Variants in STK17A observed in about 807,000 individuals in gnomAD.
STK17A encodes the protein serine/threonine kinase 17a.
Under a neutral mutation model 43.7 loss-of-function variants are expected in STK17A, and 26 were observed. The observed-to-expected ratio is 0.60, with a 90% confidence interval of 0.44 to 0.83. The LOEUF is 0.83. STK17A is among the 40% of genes least tolerant of loss of function. STK17A has a pLI of 0.00. For missense variants in STK17A, 476 were observed against 511.6 expected, an observed-to-expected ratio of 0.93 and a Z score of 0.67; for synonymous variants, 191 against 182.5, an observed-to-expected ratio of 1.05 and a Z score of -0.38.
At chr7:43,594,889 AAG>A (rs1226604487) in intron 1 of STK17A, among the ~76,000 whole-genome samples, 18 of 144,952 alleles carry the variant, frequency 1.2e-4, no homozygotes, top group Admixed American at 4.3e-4. Context: ...AAAAAAAAAA[AAG>A]AAAGAAAGAA....
intron 1 of STK17A, among the ~76,000 whole-genome samples, chr7:43,593,693 A>T (rs2082494612): frequency 8.3e-6 from 1 of 121,032 alleles, no homozygotes; most frequent in Non-Finnish European, 1.9e-5. Context: ...ATGTCTGTTC[A>T]TATAAAAAAA....
At chr7:43,615,017 G>T (rs759818937) in intron 3 of STK17A, among the ~76,000 whole-genome samples, 1 of 152,206 alleles carries the variant, frequency 6.6e-6, no homozygotes, top group Non-Finnish European at 1.5e-5. Context: ...TCAAGATTTG[G>T]TGAAGATTTT....
chr7:43,602,378 C>T (rs148160363), intron 2 of STK17A, among the ~76,000 whole-genome samples: 49 of 152,268 alleles, frequency 3.2e-4, no homozygotes, highest in African/African-American at 1.1e-3. Context: ...GCATTCCTCA[C>T]CTTCCAGTTT....
At chr7:43,598,334 G>A (rs1017130361) in intron 2 of STK17A, among the ~76,000 whole-genome samples, 1 of 152,028 alleles carries the variant, frequency 6.6e-6, no homozygotes, top group African/African-American at 2.4e-5. Context: ...GCTGGACATG[G>A]TAGCAGGCGC....
intron 1 of STK17A, among the ~76,000 whole-genome samples, chr7:43,583,723 C>T (rs2082419424): frequency 6.6e-6 from 1 of 152,210 alleles, no homozygotes; most frequent in African/African-American, 2.4e-5. Flanking sequence ...CTTTCGTTCT[C>T]TGTGGCGTTT....
In STK17A at chr7:43,627,059, T is replaced by TATCA. The variant is rs903293176; in HGVS notation, c.*2218_*2221dup. Among the ~76,000 whole-genome samples the TATCA allele has an allele frequency of 6.6e-6, 1 of 152,218 alleles. No individual in the cohort carries two copies. The highest frequency in any genetic ancestry group is 2.4e-5 in the African/African-American group (1 of 41,460). ...AAAGCTGTTAATGTTCCTTTTTTTC[T>TATCA]ATCACCAAATTTATAAAGGACTAAA... On this transcript the variant is annotated 3_prime_UTR_variant, in exon 7 of 7. Coordinates refer to ENST00000319357, the MANE Select transcript of STK17A (RefSeq NM_004760.3).
At position 43,595,708 on chromosome 7, in the gene STK17A, ATTTTG is replaced by A. The variant is rs1478237713; in HGVS notation, c.207-188_207-184del. ...GAAAATGAATTGTGCAGGTTTATAC[ATTTTG>A]TTTTATTTGATAAATCTATAAATCT... is the stretch of plus-strand genomic sequence containing the variant. On this transcript the variant is annotated intron_variant, in intron 1 of 6. Coordinates refer to ENST00000319357, the MANE Select transcript of STK17A (RefSeq NM_004760.3). Among the ~76,000 whole-genome samples, 7 of 152,316 alleles carry A rather than the reference ATTTTG, an allele frequency of 4.6e-5. No homozygotes were observed. In the South Asian group the frequency reaches 1.0e-3, roughly 23 times the overall value.
chr7:43,624,587 T>C lies in STK17A; in HGVS notation c.990T>C (p.Ser330=), dbSNP rs377533782. 3.2e-5 allele frequency: 52 copies of C among 1,614,024 alleles called. No homozygotes were observed. The African/African-American group carries it at 6.3e-4, about 19-fold the overall frequency. The part of the protein sequence containing the change: ...WLTQSSIQEP[S]FRMEKALEEA... ...CACAGAGCAGTATTCAAGAGCCTTC[T>C]TTCAGGATGGAAAAGGCACTAGAAG... is the stretch of plus-strand genomic sequence containing the variant. The change falls in exon 7 of 7, where the codon TCT becomes TCC. Residue 330 remains serine (S), a synonymous_variant. Transcript: ENST00000319357.
chr7:43,598,729 A>C (rs994897915), intron 2 of STK17A, among the ~76,000 whole-genome samples: 2 of 152,048 alleles, frequency 1.3e-5, no homozygotes, highest in Non-Finnish European at 2.9e-5. Context: ...TCATTTATTA[A>C]GAAAGTTTAA....
At chr7:43,601,356 T>C (rs936475770) in intron 2 of STK17A, among the ~76,000 whole-genome samples, 1 of 152,214 alleles carries the variant, frequency 6.6e-6, no homozygotes, top group African/African-American at 2.4e-5. Flanking sequence ...TTTATGATAG[T>C]AGGAATATCC....
chr7:43,612,840 T>C (rs1461468979), intron 3 of STK17A, among the ~76,000 whole-genome samples: 1 of 152,042 alleles, frequency 6.6e-6, no homozygotes, highest in Non-Finnish European at 1.5e-5. Context: ...GATGCAGATT[T>C]AGGAGTCTGT....
At chr7:43,602,894 G>A (rs2082565075) in intron 2 of STK17A, among the ~76,000 whole-genome samples, 2 of 112,088 alleles carry the variant, frequency 1.8e-5, no homozygotes, top group Admixed American at 1.7e-4. Context: ...CAGTATCAGT[G>A]CAGTCAATAG....
intron 3 of STK17A, among the ~76,000 whole-genome samples, chr7:43,615,548 G>T (rs967710992): frequency 3.3e-5 from 5 of 152,164 alleles, no homozygotes; most frequent in Admixed American, 6.5e-5. Context: ...AGGACTCATA[G>T]TCATGATGGT....
chr7:43,594,099 A>G (rs949006511), intron 1 of STK17A, among the ~76,000 whole-genome samples: 1 of 152,192 alleles, frequency 6.6e-6, no homozygotes, highest in Non-Finnish European at 1.5e-5. Flanking sequence ...ATAGGGAGTC[A>G]ACCTTATGGG....
At chr7:43,609,956 G>A (rs905050847) in intron 3 of STK17A, among the ~76,000 whole-genome samples, 2 of 152,238 alleles carry the variant, frequency 1.3e-5, no homozygotes, top group African/African-American at 4.8e-5. Context: ...GGAAGGGCTT[G>A]TTAATACAAA....
intron 2 of STK17A, among the ~76,000 whole-genome samples, chr7:43,606,579 G>T (rs2082591068): frequency 6.6e-6 from 1 of 151,932 alleles, no homozygotes; most frequent in Non-Finnish European, 1.5e-5. Context: ...AAATTTTTTG[G>T]TTAAAAAGTA....
At chr7:43,604,435 T>C (rs961141747) in intron 2 of STK17A, among the ~76,000 whole-genome samples, 3 of 152,164 alleles carry the variant, frequency 2.0e-5, no homozygotes, top group African/African-American at 7.2e-5. Context: ...CATCCTGTGC[T>C]CTTCTCCCTG....
At chr7:43,602,227 C>G (rs1023563784) in intron 2 of STK17A, among the ~76,000 whole-genome samples, 2 of 152,190 alleles carry the variant, frequency 1.3e-5, no homozygotes, top group Non-Finnish European at 2.9e-5. Context: ...AGTCCCTCCT[C>G]CCGTGGTGGT....
At chr7:43,596,359 C>A (rs1317808027) in intron 2 of STK17A, among the ~76,000 whole-genome samples, 1 of 152,142 alleles carries the variant, frequency 6.6e-6, no homozygotes, top group Non-Finnish European at 1.5e-5. Flanking sequence ...GGTTATCTTA[C>A]AATTTTATTA....
Sources: allele counts gnomAD v4.1 joint callset (sites outside exome capture counted in the v4.1 genomes callset), GRCh38; gene constraint gnomAD v4.1.1; transcripts MANE v1.5; gene names NCBI Gene and HGNC (gene_info 2026-07-23, HGNC 2026-07-21).